Variants in ZNF763 observed in about 807,000 individuals in gnomAD.
ZNF763 encodes zinc finger protein 763.
A neutral mutation model predicts 38.0 loss-of-function variants in ZNF763; 33 were observed. That is an observed-to-expected ratio of 0.87 (90% CI 0.66 to 1.16). The LOEUF is 1.16. Among genes scored for constraint, ZNF763 ranks in the 50% most tolerant of loss-of-function variants. The probability of loss-of-function intolerance (pLI) is 0.00; values close to 1 mark genes in which losing one functional copy is unlikely to be tolerated. For synonymous variants in ZNF763, 155 were observed against 160.1 expected (o/e 0.97, Z 0.24); for missense variants, 423 against 469.1 (o/e 0.90, Z 0.91).
chr19:11,974,126 TTTTC>T (rs369346711), intron 1 of ZNF763, among the ~76,000 whole-genome samples: 1,325 of 54,910 alleles, frequency 0.024, 24 homozygotes, highest in Admixed American at 0.052. Context: ...TCTTTCTTTC[TTTTC>T]TTTCTTTCTT....
At chr19:11,976,273 C>A (rs1973486697) in intron 1 of ZNF763, among the ~76,000 whole-genome samples, 2 of 151,426 alleles carry the variant, frequency 1.3e-5, no homozygotes, top group African/African-American at 2.4e-5. Context: ...TGCTACAGAC[C>A]CACAGTTCAA....
chr19:11,973,319 T>C (rs1467921379), intron 1 of ZNF763, among the ~76,000 whole-genome samples: 2 of 152,316 alleles, frequency 1.3e-5, no homozygotes, highest in Admixed American at 1.3e-4. Flanking sequence ...CAGACTTGCT[T>C]CTTTCATGTA....
At chr19:11,974,069 T>TTTTTTC (rs1973407592) in intron 1 of ZNF763, among the ~76,000 whole-genome samples, 2 of 114,854 alleles carry the variant, frequency 1.7e-5, no homozygotes, top group Admixed American at 1.9e-4. Flanking sequence ...TCCTTCTTTC[T>TTTTTTC]TTTCTTTCTT....
chr19:11,972,880 T>C (rs1347147028), intron 1 of ZNF763, among the ~76,000 whole-genome samples: 1 of 151,496 alleles, frequency 6.6e-6, no homozygotes, highest in Non-Finnish European at 1.5e-5. Context: ...CAGCTTGAAC[T>C]GCAGTGTTGG....
chr19:11,977,728 G>A (rs1568310860), intron 3 of ZNF763, among the ~76,000 whole-genome samples: 1 of 152,118 alleles, frequency 6.6e-6, no homozygotes, highest in Non-Finnish European at 1.5e-5. Flanking sequence ...ATTGTGGTAT[G>A]CATCGTAGTC....
Position 11,979,061 on chromosome 19 carries a change from T to G in ZNF763, c.1137T>G (p.Tyr379Ter). ...ECKQCGKALS[Y>*]KFSNTPKNAL... is the part of the protein sequence containing the mutation. ...AGCAGTGTGGGAAAGCATTATCTTA[T>G]AAGTTTTCAAACACACCTAAGAATG... is the stretch of plus-strand genomic sequence containing the variant. Residue 379 changes from tyrosine (Y) to a stop codon, truncating the protein, a stop_gained, in exon 4 of 4, where the codon TAT (tyrosine) becomes TAG (stop). Transcript: ENST00000358987. LOFTEE classifies it high-confidence loss of function. The G allele has an allele frequency of 6.2e-7, 1 of 1,614,196 alleles. No homozygotes were observed. The highest frequency in any genetic ancestry group is 8.5e-7 in the Non-Finnish European group (1 of 1,180,026).
intron 2 of ZNF763, 71 bp from the exon 3 acceptor site, chr19:11,977,300 G>C (rs1027670494): frequency 3.7e-6 from 6 of 1,605,492 alleles, no homozygotes; most frequent in Non-Finnish European, 5.1e-6. Context: ...GTAAATCATA[G>C]ACATAGAATC....
chr19:11,973,358 C>T (rs1416330673), intron 1 of ZNF763, among the ~76,000 whole-genome samples: 1 of 152,124 alleles, frequency 6.6e-6, no homozygotes, highest in Non-Finnish European at 1.5e-5. Context: ...CTCTCGATAC[C>T]TTTGTTGCTT....
chr19:11,971,601 G>C (rs973593059), intron 1 of ZNF763, among the ~76,000 whole-genome samples: 1 of 152,018 alleles, frequency 6.6e-6, no homozygotes, highest in Non-Finnish European at 1.5e-5. Context: ...AACTGTAGTC[G>C]TATTTCAAAG....
chr19:11,965,882 G>A (rs1052949494), intron 1 of ZNF763, among the ~76,000 whole-genome samples: 1 of 152,158 alleles, frequency 6.6e-6, no homozygotes, highest in Non-Finnish European at 1.5e-5. Flanking sequence ...TGCCTGGAAG[G>A]TGTAAGTTCC....
In ZNF763 at chr19:11,979,530, C is replaced by G. The variant is rs1406792447; in HGVS notation, c.*421C>G. ...CAAAGACATGAAAAAACTCACACTG[C>G]AGAGAAACCCTATGAATGCAAGCAA... On this transcript the variant is annotated 3_prime_UTR_variant, in exon 4 of 4. Transcript: ENST00000358987. 1.6e-5 allele frequency: 25 copies of G among 1,600,098 alleles called. No individual in the cohort carries two copies. Among genetic ancestry groups the G allele is most frequent in the Admixed American group, 6.8e-5 (4 of 59,042 alleles).
chr19:11,966,528 C>T (rs1973232503), intron 1 of ZNF763, among the ~76,000 whole-genome samples: 1 of 152,116 alleles, frequency 6.6e-6, no homozygotes, highest in African/African-American at 2.4e-5. Flanking sequence ...CATGCACCAC[C>T]ATGCCTGGCT....
chr19:11,969,032 A>G (rs72988652), intron 1 of ZNF763, among the ~76,000 whole-genome samples: 19,210 of 152,130 alleles, frequency 0.13, 2,253 homozygotes, highest in African/African-American at 0.31. Context: ...ATGTGACTCA[A>G]CCCCATGATC....
chr19:11,967,437 C>T (rs1294063642), intron 1 of ZNF763, among the ~76,000 whole-genome samples: 2 of 152,002 alleles, frequency 1.3e-5, no homozygotes, highest in African/African-American at 2.4e-5. Context: ...CGGAGTCTCG[C>T]TCTGTTGCCC....
chr19:11,966,897 C>T (rs1568305098), intron 1 of ZNF763, among the ~76,000 whole-genome samples: 1 of 152,106 alleles, frequency 6.6e-6, no homozygotes, highest in Non-Finnish European at 1.5e-5. Context: ...GAGAAAAGGA[C>T]TCAGTCCTCC....
intron 1 of ZNF763, chr19:11,976,809 G>A (rs755267510): frequency 4.6e-5 from 58 of 1,257,752 alleles, no homozygotes; most frequent in Middle Eastern, 2.9e-4. Flanking sequence ...AGCCAAGATC[G>A]CATCATTATA....
At chr19:11,974,126 T>TTTCTTTTCTTTC (rs1177618111) in intron 1 of ZNF763, among the ~76,000 whole-genome samples, 243 of 54,982 alleles carry the variant, frequency 4.4e-3, no homozygotes, top group South Asian at 8.7e-3. Context: ...TCTTTCTTTC[T>TTTCTTTTCTTTC]TTTCTTTCTT....
At position 11,979,798 on chromosome 19, in the gene ZNF763, G is replaced by C; in HGVS notation, c.*689G>C. 1 of 1,575,630 alleles carries C rather than the reference G, an allele frequency of 6.3e-7. No individual in the cohort carries two copies. Among genetic ancestry groups the C allele is most frequent in the Non-Finnish European group, 8.7e-7 (1 of 1,147,794 alleles). ...CTCACACTGGAGAGAAACCCTATGA[G>C]TGTAAGGAATGTGGGAAAGCCTTCA... On this transcript the variant is annotated 3_prime_UTR_variant, in exon 4 of 4. Coordinates refer to ENST00000358987, the MANE Select transcript of ZNF763 (RefSeq NM_001367172.2).
rs752782723 is a variant in ZNF763, at chr19:11,979,094, G to T, written c.1170G>T (p.Trp390Cys). The T allele has an allele frequency of 1.2e-6, 2 of 1,613,988 alleles. No individual in the cohort carries two copies. The highest frequency in any genetic ancestry group is 1.7e-6 in the Non-Finnish European group (2 of 1,180,000). Residue 390 changes from tryptophan to cysteine, a missense_variant, in exon 4 of 4, where the codon TGG (tryptophan) becomes TGT (cysteine). Transcript: ENST00000358987. ...KFSNTPKNAL[W>C]RKTL ...CAAACACACCTAAGAATGCGCTCTG[G>T]AGAAAGACCTTATAAATGTTAGATA...
Sources: gnomAD v4.1 joint callset for allele counts (sites outside exome capture counted in the v4.1 genomes callset) on GRCh38, gnomAD v4.1.1 for gene constraint, MANE v1.5 for transcripts, NCBI Gene and HGNC (gene_info 2026-07-23, HGNC 2026-07-21) for gene names.